CSMD3: variants seen among roughly 807,000 people sequenced by gnomAD.
CSMD3 encodes CUB and Sushi multiple domains 3.
In CSMD3, 177 loss-of-function variants were observed where a neutral mutation model predicts 435.2. The ratio of observed to expected loss-of-function variants is 0.41; its 90% CI spans 0.36 to 0.46. CSMD3 has a LOEUF of 0.46. Ranked by LOEUF, CSMD3 falls within the 20% of genes least tolerant of loss-of-function variation. CSMD3 has a pLI of 0.34. For missense variants in CSMD3, 4,265 were observed against 4,504.6 expected, an observed-to-expected ratio of 0.95 and a Z score of 1.52; for synonymous variants, 1,656 against 1,520.5, an observed-to-expected ratio of 1.09 and a Z score of -2.07.
At position 112,645,296 on chromosome 8, in the gene CSMD3, C is replaced by T; in HGVS notation, c.3194-71G>A. The T allele has an allele frequency of 3.5e-6, 3 of 866,170 alleles. No homozygotes were observed. In the Admixed American group the frequency reaches 5.1e-5, roughly 15 times the overall value. 53.7% of individuals were successfully genotyped at this position (866,170 alleles called of 1,614,324 possible). A position where few individuals can be genotyped will look rare whatever the true frequency, so the allele number is the denominator to read the frequency against. ...CAGAGGGTGAACAAATCTCTATCTC[C>T]TCTCTTGAATTGAGCAGTCGCATTA... On this transcript the variant is annotated intron_variant, in intron 19 of 70. Coordinates refer to ENST00000297405, the MANE Select transcript of CSMD3 (RefSeq NM_198123.2).
At chr8:112,409,526 G>A (rs1482683006) in intron 32 of CSMD3, among the ~76,000 whole-genome samples, 1 of 151,746 alleles carries the variant, frequency 6.6e-6, no homozygotes, top group Non-Finnish European at 1.5e-5. Context: ...AAAGATTAGC[G>A]AGATTCTTTT....
At chr8:113,056,535 CCTT>C (rs1403102071) in intron 5 of CSMD3, among the ~76,000 whole-genome samples, 1 of 152,132 alleles carries the variant, frequency 6.6e-6, no homozygotes. Flanking sequence ...ACAAGCATAT[CCTT>C]CTTCTATTCT....
At chr8:112,449,551 C>T (rs1261012403) in intron 32 of CSMD3, among the ~76,000 whole-genome samples, 4 of 152,148 alleles carry the variant, frequency 2.6e-5, no homozygotes, top group East Asian at 1.9e-4. Flanking sequence ...AATCACCTGA[C>T]GCCTGTGCCC....
At chr8:113,299,019 G>A (rs2093743162) in intron 2 of CSMD3, among the ~76,000 whole-genome samples, 1 of 152,080 alleles carries the variant, frequency 6.6e-6, no homozygotes, top group African/African-American at 2.4e-5. Flanking sequence ...ACAGAAAAAT[G>A]TATTTCTTCT....
At chr8:112,993,333 C>G (rs944944455) in intron 6 of CSMD3, among the ~76,000 whole-genome samples, 2 of 151,564 alleles carry the variant, frequency 1.3e-5, no homozygotes, top group African/African-American at 4.8e-5. Context: ...AAAAGTATAT[C>G]CTAGATATTT....
At chr8:112,393,017 C>T (rs1355327121) in intron 35 of CSMD3, among the ~76,000 whole-genome samples, 1 of 151,886 alleles carries the variant, frequency 6.6e-6, no homozygotes, top group Non-Finnish European at 1.5e-5. Context: ...AGGTGTGTGC[C>T]ATCACACCCA....
At chr8:112,550,382 C>G (rs1011243697) in intron 27 of CSMD3, among the ~76,000 whole-genome samples, 3 of 151,602 alleles carry the variant, frequency 2.0e-5, no homozygotes, top group African/African-American at 7.3e-5. Flanking sequence ...AGATTATAAG[C>G]TTTTGTGATG....
intron 17 of CSMD3, among the ~76,000 whole-genome samples, chr8:112,656,605 A>G (rs1382827194): frequency 6.6e-6 from 1 of 152,158 alleles, no homozygotes; most frequent in African/African-American, 2.4e-5. Context: ...AAATTATCTT[A>G]TAACTGGACT....
chr8:112,703,775 C>G, intron 13 of CSMD3, among the ~76,000 whole-genome samples: 1 of 152,094 alleles, frequency 6.6e-6, no homozygotes. Context: ...TAGAAAAGAC[C>G]TTGTGAGTTA....
intron 28 of CSMD3, among the ~76,000 whole-genome samples, chr8:112,511,483 G>A (rs1295201493): frequency 1.3e-5 from 2 of 150,256 alleles, no homozygotes; most frequent in East Asian, 2.0e-4. Flanking sequence ...TCCGTCTCCC[G>A]GGTTCACGCC....
chr8:112,806,994 T>A (rs12334432), intron 12 of CSMD3, among the ~76,000 whole-genome samples: 2 of 152,116 alleles, frequency 1.3e-5, no homozygotes, highest in Admixed American at 6.5e-5. Flanking sequence ...CCCTGTTGCC[T>A]CTGGCCAGAC....
chr8:112,461,884 AGATTTT>A (rs1817483344), intron 32 of CSMD3, among the ~76,000 whole-genome samples: 1 of 152,170 alleles, frequency 6.6e-6, no homozygotes, highest in African/African-American at 2.4e-5. Flanking sequence ...TTCTGTAAGC[AGATTTT>A]TGGTGCAACT....
At chr8:112,324,079 G>A (rs1823265945) in intron 45 of CSMD3, among the ~76,000 whole-genome samples, 1 of 151,898 alleles carries the variant, frequency 6.6e-6, no homozygotes, top group African/African-American at 2.4e-5. Context: ...TCAATTTACA[G>A]TGTTTTTTTA....
chr8:112,380,173 T>C (rs901192400), intron 38 of CSMD3, among the ~76,000 whole-genome samples, 179 bp downstream of exon 38: 1 of 152,324 alleles, frequency 6.6e-6, no homozygotes, highest in East Asian at 1.9e-4. Context: ...TGTGAAACCA[T>C]TAAAACTTTA....
chr8:112,642,525 G>C (rs533052645), intron 20 of CSMD3, among the ~76,000 whole-genome samples: 49 of 152,124 alleles, frequency 3.2e-4, no homozygotes, highest in African/African-American at 1.2e-3. Context: ...TAAATATTTA[G>C]ATATTTAGAT....
chr8:112,905,118 A>C (rs1013272014), intron 10 of CSMD3, among the ~76,000 whole-genome samples: 1 of 151,308 alleles, frequency 6.6e-6, no homozygotes, highest in Non-Finnish European at 1.5e-5. Context: ...GAAATAGCAA[A>C]ATAAAGATAT....
At chr8:112,863,305 T>C (rs1194680805) in intron 10 of CSMD3, among the ~76,000 whole-genome samples, 1 of 151,898 alleles carries the variant, frequency 6.6e-6, no homozygotes, top group Non-Finnish European at 1.5e-5. Context: ...TTCTCATTCT[T>C]TAATAGTTTT....
Position 112,791,563 on chromosome 8 carries a change from T to G in CSMD3, c.1972+8599A>C, listed in dbSNP as rs2132291545. Among the ~76,000 whole-genome samples, 2 of 152,230 alleles carry G rather than the reference T, an allele frequency of 1.3e-5. 1 individual carries two copies. The highest frequency in any genetic ancestry group is 4.8e-5 in the African/African-American group (2 of 41,552). Reference sequence around the variant, plus strand: ...TCATTCATGTTGCATGTGTTAAGAGTATTTTCTTTTTTATTGATGAGTAGT... The same window carrying G: ...TCATTCATGTTGCATGTGTTAAGAGGATTTTCTTTTTTATTGATGAGTAGT... On this transcript the variant is annotated intron_variant, in intron 13 of 70. Transcript: ENST00000297405.
chr8:112,959,593 T>C (rs1366216485), intron 7 of CSMD3, among the ~76,000 whole-genome samples: 4 of 151,880 alleles, frequency 2.6e-5, no homozygotes, highest in Admixed American at 2.6e-4. Flanking sequence ...TCTTCTTTTG[T>C]GCTGTGTTTG....
Sources: gnomAD v4.1 joint callset for allele counts (sites outside exome capture counted in the v4.1 genomes callset) on GRCh38, gnomAD v4.1.1 for gene constraint, MANE v1.5 for transcripts, NCBI Gene and HGNC (gene_info 2026-07-23, HGNC 2026-07-21) for gene names.